Variants in CEP250 observed in about 807,000 individuals in gnomAD.
The protein encoded by CEP250 is centrosomal protein 250, also known as centrosome-associated protein CEP250.
A neutral mutation model predicts 315.7 loss-of-function variants in CEP250; 242 were observed. The observed-to-expected ratio is 0.77, with a 90% CI of 0.69 to 0.85. The LOEUF (loss-of-function observed/expected upper bound fraction) is 0.85, where lower values mean the gene tolerates loss of function less well. CEP250 is among the 40% of genes least tolerant of loss of function. The pLI is 0.00. For missense variants in CEP250, 2,515 were observed against 2,886.4 expected (o/e 0.87, Z 2.95); for synonymous variants, 1,088 against 1,175.0 (o/e 0.93, Z 1.51).
intron 9 of CEP250, 167 bp from the exon 10 acceptor site, chr20:35,469,723 T>C: frequency 2.0e-6 from 1 of 491,522 alleles, no homozygotes; most frequent in Admixed American, 3.7e-5. Flanking sequence ...GGCTATAGCA[T>C]CATGTGGTAT....
chr20:35,475,378 CCT>C, intron 14 of CEP250, 122 bp from the exon 15 acceptor site: 1 of 1,002,458 alleles, frequency 1.0e-6, no homozygotes, highest in Non-Finnish European at 1.5e-6. Flanking sequence ...AGAAATCTTT[CCT>C]TATCAGTGTT....
At position 35,511,858 on chromosome 20, in the gene CEP250, G is replaced by C. The variant is rs1568852917; in HGVS notation, c.*232G>C. On this transcript the variant is annotated 3_prime_UTR_variant, in exon 35 of 35. Coordinates refer to ENST00000397527, the MANE Select transcript of CEP250 (RefSeq NM_007186.6). ...GCTCCCTATGGAATCACCCAGAGGG[G>C]TGCCTTGCCCTGGCTGAGGGACATG... The C allele has an allele frequency of 7.4e-7, 1 of 1,352,132 alleles. No individual in the cohort carries two copies. The allele number at this position is 1,352,132 out of a possible 1,614,324, so 83.8% of individuals were successfully genotyped here. A position where few individuals can be genotyped will look rare whatever the true frequency, so the allele number is the denominator to read the frequency against.
intron 12 of CEP250, 107 bp downstream of exon 12, chr20:35,472,938 G>C: frequency 9.2e-7 from 1 of 1,081,148 alleles, no homozygotes. Context: ...TTTTTGACCA[G>C]TCATGAGGTG....
At chr20:35,493,256 C>G (rs1279868414) in intron 22 of CEP250, among the ~76,000 whole-genome samples, 173 bp from the exon 23 acceptor site, 1 of 151,792 alleles carries the variant, frequency 6.6e-6, no homozygotes, top group African/African-American at 2.4e-5. Context: ...GACCAAGAAA[C>G]CTGGGTGAGC....
intron 20 of CEP250, among the ~76,000 whole-genome samples, chr20:35,481,741 C>T (rs184284357): frequency 2.3e-3 from 347 of 151,506 alleles, no homozygotes; most frequent in African/African-American, 8.1e-3. Flanking sequence ...CTCACTCTGT[C>T]GCCTAGACTG....
At chr20:35,477,229 C>G (rs1473034536) in intron 16 of CEP250, among the ~76,000 whole-genome samples, 1 of 152,104 alleles carries the variant, frequency 6.6e-6, no homozygotes, top group African/African-American at 2.4e-5. Flanking sequence ...AGGCTGTTCT[C>G]AAACTCCTGA....
chr20:35,463,585 A>G lies in CEP250; in HGVS notation c.197A>G (p.Tyr66Cys). The change falls in exon 5 of 35, where the codon TAC (tyrosine) becomes TGC (cysteine). Residue 66 changes from tyrosine to cysteine, a missense_variant. By Grantham distance (194) the Tyr-to-Cys change is radical. Coordinates refer to ENST00000397527, the MANE Select transcript of CEP250 (RefSeq NM_007186.6). Reference sequence around the variant, plus strand: ...TTCTTTTTGCTGCAGGTGCTGCAGTACCGAAGCTGGTGCCAAGAGCTGGAG... The same window carrying G: ...TTCTTTTTGCTGCAGGTGCTGCAGTGCCGAAGCTGGTGCCAAGAGCTGGAG... ...VRKLQAKVLQ[Y>C]RSWCQELEKR... 6.2e-7 allele frequency: 1 copy of G among 1,610,358 alleles called. No individual in the cohort carries two copies. Among genetic ancestry groups the G allele is most frequent in the Middle Eastern group, 1.8e-4 (1 of 5,596 alleles).
In CEP250 at chr20:35,467,941, C is replaced by CT. The variant is rs1421312559; in HGVS notation, c.851+387dup. 6.2e-4 allele frequency among the ~76,000 whole-genome samples: 74 copies of CT among 118,446 alleles called. 1 individual carries two copies. The highest frequency in any genetic ancestry group is 2.8e-3 in the African/African-American group (72 of 26,074). 77.7% of individuals were successfully genotyped at this position (118,446 alleles called of 152,430 possible). ...CTCTAAGACATAGTTCAAATATTAC[C>CT]TCTTTTTTTTTTTTTTTTTTTTGAG... is the stretch of plus-strand genomic sequence containing the variant. On this transcript the variant is annotated intron_variant, in intron 9 of 34. Transcript: ENST00000397527.
rs1187329002 is a variant in CEP250 at position 35,472,672 on chromosome 20, G to C, written c.1051-1G>C. 1.2e-6 allele frequency: 2 copies of C among 1,614,168 alleles called. No individual in the cohort carries two copies. The highest frequency in any genetic ancestry group is 4.5e-5 in the East Asian group (2 of 44,882). Reference sequence around the variant, plus strand: ...GGTGACCTTGCTGTATTGGGTTTCAGGTCATGGTGGAAGAAGGGGACAATA... The same window carrying C: ...GGTGACCTTGCTGTATTGGGTTTCACGTCATGGTGGAAGAAGGGGACAATA... On this transcript the variant is annotated splice_acceptor_variant, in intron 11 of 34. Transcript: ENST00000397527. LOFTEE classifies it high-confidence loss of function.
intron 20 of CEP250, among the ~76,000 whole-genome samples, chr20:35,481,626 T>G (rs2063346057): frequency 6.6e-6 from 1 of 152,094 alleles, no homozygotes; most frequent in Non-Finnish European, 1.5e-5. Flanking sequence ...AGATTTTTTT[T>G]TTTTTTTTTT....
At position 35,473,907 on chromosome 20, in the gene CEP250, C is replaced by A; in HGVS notation, c.1426C>A (p.Arg476=). The A allele has an allele frequency of 1.2e-6, 2 of 1,612,584 alleles. No homozygotes were observed. Among genetic ancestry groups the A allele is most frequent in the South Asian group, 1.1e-5 (1 of 90,980 alleles). ...GCTGCAGAAGGCCAGGGAAGAGCTG[C>A]GGCAGCAGCTGGAGGTGCTAGAGCA... ...ELLQKAREEL[R]QQLEVLEQEA... is the part of the protein sequence containing the mutation. The change falls in exon 14 of 35, where the codon CGG becomes AGG. Residue 476 remains arginine (R), a synonymous_variant. Transcript: ENST00000397527.
chr20:35,472,128 C>A lies in CEP250; in HGVS notation c.1027C>A (p.Gln343Lys). The A allele has an allele frequency of 2.5e-6, 4 of 1,610,608 alleles. No homozygotes were observed. Among genetic ancestry groups the A allele is most frequent in the Non-Finnish European group, 3.4e-6 (4 of 1,176,802 alleles). Residue 343 changes from glutamine to lysine, a missense_variant, in exon 11 of 35, where the codon CAG becomes AAG. By Grantham distance (53) the Gln-to-Lys change is moderately conservative (BLOSUM62 1). Transcript: ENST00000397527. ...GCAAGAGGAGAAGTTGTCTTTACAG[C>A]AGGTGATCAAGGATATAACCCAGGT... Reference protein sequence around the residue: ...NAQEEKLSLQQVIKDITQVMV... With the variant: ...NAQEEKLSLQKVIKDITQVMV...
intron 5 of CEP250, 77 bp from the exon 6 acceptor site, chr20:35,465,666 T>C: frequency 9.7e-7 from 1 of 1,034,460 alleles, no homozygotes; most frequent in Non-Finnish European, 1.4e-6. Flanking sequence ...TGGACTGCCA[T>C]GGAAGGGAGC....
intron 20 of CEP250, among the ~76,000 whole-genome samples, chr20:35,480,910 A>G (rs1263192754): frequency 6.6e-6 from 1 of 151,890 alleles, no homozygotes; most frequent in East Asian, 1.9e-4. Context: ...TAGGGAGGGG[A>G]AATCTCCTTT....
chr20:35,508,839 C>A (rs79641104), intron 32 of CEP250, 104 bp from the exon 33 acceptor site: 2 of 850,662 alleles, frequency 2.4e-6, no homozygotes, highest in African/African-American at 3.4e-5. Flanking sequence ...TGGTTACTGT[C>A]CCCTCATATA....
At position 35,496,444 on chromosome 20, in the gene CEP250, A is replaced by G. The variant is rs1601267309; in HGVS notation, c.3168-133A>G. On this transcript the variant is annotated intron_variant, in intron 24 of 34. Transcript: ENST00000397527. ...AAGTGCTCAATAAATGATAGCTTTT[A>G]TTGTTACATCATAATCATTATCATT... 37 of 817,830 alleles carry G rather than the reference A, an allele frequency of 4.5e-5. No individual in the cohort carries two copies. In the East Asian group the frequency reaches 9.5e-4, roughly 21 times the overall value. The allele number at this position is 817,830 out of a possible 1,614,324, so 50.7% of individuals were successfully genotyped here.
intron 34 of CEP250, 52 bp from the exon 35 acceptor site, chr20:35,511,311 A>G: frequency 2.0e-6 from 3 of 1,486,418 alleles, no homozygotes; most frequent in Non-Finnish European, 2.7e-6. Context: ...AGCTGGGACA[A>G]CTTCAGGGCC....
At position 35,502,024 on chromosome 20, in the gene CEP250, C is replaced by G. The variant is rs868553490; in HGVS notation, c.4020+58C>G. On this transcript the variant is annotated intron_variant, in intron 29 of 34. Transcript: ENST00000397527. Reference sequence around the variant, plus strand: ...CCTCAGGAGTAGTCCCTTGGGCCCACCTTGGCCTGTGGTCCTGTGTCCCAC... The same window carrying G: ...CCTCAGGAGTAGTCCCTTGGGCCCAGCTTGGCCTGTGGTCCTGTGTCCCAC... The G allele has an allele frequency of 1.3e-5, 21 of 1,569,224 alleles. No homozygotes were observed. The South Asian group carries it at 2.1e-4, about 16-fold the overall frequency.
chr20:35,479,166 C>T (rs2063264479), intron 17 of CEP250, 65 bp from the exon 18 acceptor site: 2 of 1,514,036 alleles, frequency 1.3e-6, no homozygotes, highest in Non-Finnish European at 1.8e-6. Flanking sequence ...TGACCCTAAC[C>T]TGGTGGTAGC....
Sources: gnomAD v4.1 joint callset for allele counts (sites outside exome capture counted in the v4.1 genomes callset) on GRCh38, gnomAD v4.1.1 for gene constraint, MANE v1.5 for transcripts, NCBI Gene and HGNC (gene_info 2026-07-23, HGNC 2026-07-21) for gene names.